The following SLC12A6 variants were observed in gnomAD, a reference collection of about 807,000 sequenced individuals.
SLC12A6 encodes the protein solute carrier family 12 member 6, also known as K-Cl cotransporter 3.
SLC12A6 carries 66 observed loss-of-function variants against 135.3 expected under a neutral mutation model. That is an observed-to-expected ratio of 0.49 (90% CI 0.40 to 0.60). The LOEUF (loss-of-function observed/expected upper bound fraction) is 0.60. SLC12A6 is among the 20% of genes least tolerant of loss of function. The pLI, the probability that SLC12A6 is intolerant of heterozygous loss-of-function variation, is 0.00. For synonymous variants in SLC12A6, 513 were observed against 508.8 expected (o/e 1.01, Z -0.11); for missense variants, 1,058 against 1,452.3 (o/e 0.73, Z 4.41).
At chr15:34,321,029 A>G (rs138739915) in intron 2 of SLC12A6, among the ~76,000 whole-genome samples, 1 of 152,340 alleles carries the variant, frequency 6.6e-6, no homozygotes, top group African/African-American at 2.4e-5. Flanking sequence ...TCTGCATTGC[A>G]CTAGAAACTT....
At chr15:34,284,061 A>T (rs201693897) in intron 2 of SLC12A6, among the ~76,000 whole-genome samples, 1 of 151,502 alleles carries the variant, frequency 6.6e-6, no homozygotes, top group East Asian at 2.0e-4. Flanking sequence ...ATAATTTTTT[A>T]AAAATGCAGG....
intron 2 of SLC12A6, among the ~76,000 whole-genome samples, chr15:34,327,961 CAATT>C (rs1889585419): frequency 6.6e-6 from 1 of 152,140 alleles, no homozygotes; most frequent in African/African-American, 2.4e-5. Context: ...TGAATGTCAT[CAATT>C]GAGTTTTTTG....
In SLC12A6 at chr15:34,252,196, G is replaced by A. The variant is rs1168892950; in HGVS notation, c.1307C>T (p.Pro436Leu). 1 of 1,600,068 alleles carries A rather than the reference G, an allele frequency of 6.2e-7. No homozygotes were observed. The highest frequency in any genetic ancestry group is 1.1e-5 in the South Asian group (1 of 90,776). ...TGTAATTATACCACTAGCCAATCCA[G>A]GAATGCCCTGGATTGAAGTGACGTT... ...HNNVTSIQGI[P>L]GLASGIITEN... is the part of the protein sequence containing the mutation. The change falls in exon 10 of 26, where the codon CCT becomes CTT. Residue 436 changes from proline to leucine, a missense_variant. Coordinates refer to ENST00000354181, the MANE Select transcript of SLC12A6 (RefSeq NM_001365088.1).
chr15:34,253,110 C>A (rs1186640681), intron 9 of SLC12A6, among the ~76,000 whole-genome samples: 1 of 152,158 alleles, frequency 6.6e-6, no homozygotes, highest in Non-Finnish European at 1.5e-5. Context: ...AGGAATAATA[C>A]ATCCATAGTT....
chr15:34,285,774 G>A (rs1895029217), intron 2 of SLC12A6, among the ~76,000 whole-genome samples: 1 of 138,122 alleles, frequency 7.2e-6, no homozygotes, highest in South Asian at 2.4e-4. Context: ...TCAGACACAT[G>A]CTACAACATG....
chr15:34,283,850 G>A (rs116133985), intron 2 of SLC12A6, among the ~76,000 whole-genome samples: 1,550 of 152,146 alleles, frequency 0.01, 33 homozygotes, highest in African/African-American at 0.036. Context: ...CCAGGCTCAA[G>A]TGATCTTCCC....
intron 2 of SLC12A6, among the ~76,000 whole-genome samples, chr15:34,302,648 T>C (rs986855456): frequency 2.0e-5 from 3 of 152,094 alleles, no homozygotes; most frequent in Non-Finnish European, 4.4e-5. Flanking sequence ...TAAGCTGAGA[T>C]TGTGCCACTG....
chr15:34,331,585 C>T (rs181018446), intron 2 of SLC12A6, among the ~76,000 whole-genome samples: 2 of 152,244 alleles, frequency 1.3e-5, no homozygotes, highest in Admixed American at 6.5e-5. Context: ...ATCTTCAACT[C>T]AATGTATATT....
At chr15:34,262,222 C>T (rs1417397581) in intron 3 of SLC12A6, among the ~76,000 whole-genome samples, 1 of 152,154 alleles carries the variant, frequency 6.6e-6, no homozygotes, top group Non-Finnish European at 1.5e-5. Flanking sequence ...ATCTACCCTT[C>T]CCTAATTGGT....
chr15:34,320,148 A>G (rs1888965859), intron 2 of SLC12A6, among the ~76,000 whole-genome samples: 1 of 152,224 alleles, frequency 6.6e-6, no homozygotes, highest in Admixed American at 6.5e-5. Flanking sequence ...GTTGTGCTAA[A>G]TTTAACTGAA....
At chr15:34,284,173 T>C (rs1310995311) in intron 2 of SLC12A6, among the ~76,000 whole-genome samples, 1 of 151,906 alleles carries the variant, frequency 6.6e-6, no homozygotes, top group African/African-American at 2.4e-5. Context: ...ATAATGGCTG[T>C]AGTGAAGCTG....
intron 12 of SLC12A6, 71 bp from the exon 13 acceptor site, chr15:34,250,426 A>G: frequency 1.0e-6 from 1 of 997,436 alleles, no homozygotes; most frequent in Non-Finnish European, 1.6e-6. Context: ...CACTCAGTAG[A>G]CACTTTCTTC....
intron 2 of SLC12A6, chr15:34,314,677 G>A (rs1425610735): frequency 5.2e-5 from 8 of 152,462 alleles, no homozygotes; most frequent in East Asian, 1.9e-4. Context: ...CATTCTAGAC[G>A]GCATTAAGAA....
At chr15:34,249,935 C>CAA (rs958018545) in intron 13 of SLC12A6, among the ~76,000 whole-genome samples, 9 of 152,274 alleles carry the variant, frequency 5.9e-5, no homozygotes, top group African/African-American at 2.2e-4. Context: ...GAAAGGGTCT[C>CAA]ACTTTGTCAC....
chr15:34,239,218 T>C (rs1252577897), intron 19 of SLC12A6, 58 bp from the exon 20 acceptor site: 1 of 1,257,542 alleles, frequency 8.0e-7, no homozygotes, highest in Non-Finnish European at 1.2e-6. Flanking sequence ...TTTTAACCCA[T>C]TGTTCCTTCT....
intron 2 of SLC12A6, among the ~76,000 whole-genome samples, chr15:34,326,628 T>G (rs750546601): frequency 1.3e-5 from 2 of 152,142 alleles, no homozygotes; most frequent in Non-Finnish European, 2.9e-5. Flanking sequence ...ATACCTATTC[T>G]TATGCCAGAT....
chr15:34,294,537 G>T (rs1256191406), intron 2 of SLC12A6, among the ~76,000 whole-genome samples: 1 of 151,660 alleles, frequency 6.6e-6, no homozygotes, highest in African/African-American at 2.4e-5. Context: ...TTACAGTTGT[G>T]AGCCACCACA....
At chr15:34,241,998 A>G in intron 17 of SLC12A6, 104 bp downstream of exon 17, 1 of 847,310 alleles carries the variant, frequency 1.2e-6, no homozygotes. Context: ...TAGTTATGAA[A>G]ATGAAGTTAC....
intron 2 of SLC12A6, among the ~76,000 whole-genome samples, chr15:34,320,128 G>C (rs987456439): frequency 1.3e-5 from 2 of 152,122 alleles, no homozygotes; most frequent in Non-Finnish European, 2.9e-5. Context: ...CCTTCCATCT[G>C]ACAAGTAAGG....
Sources: gnomAD v4.1 joint callset for allele counts (sites outside exome capture counted in the v4.1 genomes callset) on GRCh38, gnomAD v4.1.1 for gene constraint, MANE v1.5 for transcripts, NCBI Gene and HGNC (gene_info 2026-07-23, HGNC 2026-07-21) for gene names.